The following PPARGC1A variants were observed in gnomAD, a reference collection of about 807,000 sequenced individuals.
PPARGC1A encodes the protein peroxisome proliferator-activated receptor gamma coactivator 1-alpha.
A neutral mutation model predicts 88.7 loss-of-function variants in PPARGC1A; 25 were observed. The ratio of observed to expected loss-of-function variants is 0.28; its 90% CI spans 0.21 to 0.39. PPARGC1A has a LOEUF of 0.39. PPARGC1A is among the 10% of genes least tolerant of loss of function. The pLI, the probability that PPARGC1A is intolerant of heterozygous loss-of-function variation, is 1.00. For missense variants in PPARGC1A, 880 were observed against 968.7 expected (o/e 0.91, Z 1.22); for synonymous variants, 363 against 355.6 (o/e 1.02, Z -0.24).
the PPARGC1A span, among the ~76,000 whole-genome samples, chr4:24,016,042 G>T: frequency 6.6e-6 from 1 of 152,288 alleles, no homozygotes; most frequent in East Asian, 1.9e-4. Flanking sequence ...ACTGCCAATA[G>T]AGTGGTGCTT....
chr4:24,070,887 T>C, the PPARGC1A span, among the ~76,000 whole-genome samples: 1 of 152,204 alleles, frequency 6.6e-6, no homozygotes, highest in South Asian at 2.1e-4. Flanking sequence ...ATGTTATCAG[T>C]AGCTGCTTTT....
At chr4:24,117,453 A>G in the PPARGC1A span, among the ~76,000 whole-genome samples, 14 of 152,172 alleles carry the variant, frequency 9.2e-5, no homozygotes, top group East Asian at 2.5e-3. Flanking sequence ...GCAACAGACA[A>G]CAACAAAAAA....
At chr4:24,177,704 T>A in the PPARGC1A span, among the ~76,000 whole-genome samples, 1 of 151,112 alleles carries the variant, frequency 6.6e-6, no homozygotes. Context: ...ATCTCGGACT[T>A]CTTAGTGCCC....
chr4:24,401,015 CTTTTTTTTTTTT>C, the PPARGC1A span, among the ~76,000 whole-genome samples: 9 of 99,826 alleles, frequency 9.0e-5, no homozygotes, highest in African/African-American at 3.1e-4. Flanking sequence ...CCTGAATTTT[CTTTTTTTTTTTT>C]TTTTTTTTTG....
the PPARGC1A span, among the ~76,000 whole-genome samples, chr4:24,311,329 C>T: frequency 6.8e-6 from 1 of 146,298 alleles, no homozygotes; most frequent in Non-Finnish European, 1.5e-5. Context: ...TCTCGATCTC[C>T]TGACCTCATG....
chr4:23,893,885 C>T (rs1488870235), upstream of PPARGC1A, among the ~76,000 whole-genome samples: 3 of 152,092 alleles, frequency 2.0e-5, no homozygotes, highest in Non-Finnish European at 2.9e-5. Context: ...CAGCAGACCA[C>T]GTATGGGCTA....
rs1365338054 is a variant in PPARGC1A at position 23,794,750 on chromosome 4, A to G, written c.*1072T>C. The G allele has an allele frequency of 2.0e-5, 3 of 152,512 alleles. No individual in the cohort carries two copies. The highest frequency in any genetic ancestry group is 6.6e-5 in the Admixed American group (1 of 15,254). The allele number at this position is 152,512 out of a possible 1,614,324, so 9.4% of individuals were successfully genotyped here. On this transcript the variant is annotated 3_prime_UTR_variant, in exon 13 of 13. Transcript: ENST00000264867. ...TCCATTTAACATCTGTAAATACTTA[A>G]CTACATCAGAGAATGTAGCAATTAC...
the PPARGC1A span, among the ~76,000 whole-genome samples, chr4:24,128,998 C>G: frequency 3.3e-5 from 5 of 152,156 alleles, no homozygotes; most frequent in Non-Finnish European, 5.9e-5. Context: ...AATACTTCAA[C>G]GAGGAGTCAT....
chr4:24,265,442 T>C, the PPARGC1A span, among the ~76,000 whole-genome samples: 1 of 152,222 alleles, frequency 6.6e-6, no homozygotes, highest in African/African-American at 2.4e-5. Flanking sequence ...AAATGAGTTT[T>C]GTTAATTCTT....
At chr4:23,872,549 A>G (rs1005978826) in intron 2 of PPARGC1A, among the ~76,000 whole-genome samples, 4 of 152,174 alleles carry the variant, frequency 2.6e-5, no homozygotes, top group African/African-American at 7.2e-5. Context: ...TCTAAAGACA[A>G]TAAGTAGGAG....
upstream of PPARGC1A, among the ~76,000 whole-genome samples, chr4:23,892,505 G>T (rs1577679065): frequency 4.1e-5 from 6 of 147,352 alleles, no homozygotes; most frequent in East Asian, 2.0e-4. Flanking sequence ...TTATAATTTT[G>T]TTAATTAACT....
At chr4:23,867,248 G>A (rs910255611) in intron 2 of PPARGC1A, among the ~76,000 whole-genome samples, 6 of 152,030 alleles carry the variant, frequency 3.9e-5, no homozygotes, top group South Asian at 2.1e-4. Context: ...ATTAGTTGCC[G>A]AAGTCTGTCT....
the PPARGC1A span, among the ~76,000 whole-genome samples, chr4:24,084,544 G>T: frequency 7.2e-5 from 11 of 152,176 alleles, no homozygotes; most frequent in Non-Finnish European, 1.5e-4. Context: ...TGGCCTAAGT[G>T]TCATTTGTTA....
rs1050490437 is a variant in PPARGC1A at position 23,794,022 on chromosome 4, C to T, written c.*1800G>A. 6.6e-5 allele frequency: 10 copies of T among 152,396 alleles called. No individual in the cohort carries two copies. The highest frequency in any genetic ancestry group is 2.2e-4 in the African/African-American group (9 of 41,380). The allele number at this position is 152,396 out of a possible 1,614,324, so 9.4% of individuals were successfully genotyped here. A position where few individuals can be genotyped will look rare whatever the true frequency, so the allele number is the denominator to read the frequency against. ...ACAGGATGCATAACTGTAAAAAATA[C>T]AGATAAATACCATCGTCATACTCTG... is the stretch of plus-strand genomic sequence containing the variant. On this transcript the variant is annotated 3_prime_UTR_variant, in exon 13 of 13. Transcript: ENST00000264867.
At chr4:24,471,852 G>A in the PPARGC1A span, among the ~76,000 whole-genome samples, 1 of 152,232 alleles carries the variant, frequency 6.6e-6, no homozygotes, top group African/African-American at 2.4e-5. This position sits in a 1 kb window ranked among gnomAD's most constrained non-coding sequence, Gnocchi z 5.4. Context: ...CCGCGGGTCA[G>A]GGGACGCCTC....
chr4:23,898,133 T>C (rs1264487297), intron 1 of PPARGC1A, among the ~76,000 whole-genome samples: 1 of 152,204 alleles, frequency 6.6e-6, no homozygotes, highest in Non-Finnish European at 1.5e-5. Context: ...AAAAAGCTCA[T>C]TATATTTGGT....
chr4:24,263,710 C>T, the PPARGC1A span, among the ~76,000 whole-genome samples: 5 of 152,194 alleles, frequency 3.3e-5, no homozygotes, highest in East Asian at 9.7e-4. Context: ...TATGATGATC[C>T]ACTTCCACTT....
the PPARGC1A span, among the ~76,000 whole-genome samples, chr4:24,416,856 C>T: frequency 6.6e-6 from 1 of 152,114 alleles, no homozygotes; most frequent in East Asian, 1.9e-4. Flanking sequence ...CATGGCCAAA[C>T]CCCGTCTCTA....
chr4:23,961,785 C>T, the PPARGC1A span, among the ~76,000 whole-genome samples: 2 of 152,116 alleles, frequency 1.3e-5, no homozygotes, highest in Non-Finnish European at 2.9e-5. Context: ...CCACAAGCCC[C>T]CTGTACATGT....
Sources: gnomAD v4.1 joint callset for allele counts (sites outside exome capture counted in the v4.1 genomes callset) on GRCh38, gnomAD v4.1.1 for gene constraint, Gnocchi (gnomAD v3.1) non-coding constraint, MANE v1.5 for transcripts, NCBI Gene and HGNC (gene_info 2026-07-23, HGNC 2026-07-21) for gene names.